Variants in VPS13B observed in about 807,000 individuals in gnomAD.
VPS13B encodes the protein intermembrane lipid transfer protein VPS13B.
A neutral mutation model predicts 426.4 loss-of-function variants in VPS13B; 285 were observed. The observed-to-expected ratio is 0.67, with a 90% confidence interval of 0.61 to 0.74. The LOEUF (loss-of-function observed/expected upper bound fraction) is 0.74. VPS13B is among the 30% of genes least tolerant of loss of function. The pLI is 0.00. For missense variants in VPS13B, 4,537 were observed against 4,782.6 expected (o/e 0.95, Z 1.51); for synonymous variants, 1,676 against 1,676.4 (o/e 1.00, Z 0.01).
chr8:99,317,308 G>A (rs550002820), intron 19 of VPS13B, among the ~76,000 whole-genome samples: 2 of 152,218 alleles, frequency 1.3e-5, no homozygotes, highest in East Asian at 3.9e-4. Context: ...TGTATACATT[G>A]TGTAATGATT....
chr8:99,599,995 G>C (rs1226037102), intron 33 of VPS13B, among the ~76,000 whole-genome samples: 2 of 152,046 alleles, frequency 1.3e-5, no homozygotes, highest in African/African-American at 2.4e-5. Flanking sequence ...CCATTCAACT[G>C]TACATTTTTA....
chr8:99,288,447 G>A (rs959524108), intron 19 of VPS13B, among the ~76,000 whole-genome samples: 2 of 151,804 alleles, frequency 1.3e-5, no homozygotes, highest in East Asian at 1.9e-4. Context: ...CTCACACATA[G>A]CATTCTTGCA....
intron 21 of VPS13B, among the ~76,000 whole-genome samples, chr8:99,406,185 T>G (rs1480032284): frequency 1.3e-5 from 2 of 152,068 alleles, no homozygotes; most frequent in Non-Finnish European, 2.9e-5. Flanking sequence ...TTAACACCCC[T>G]TTCTATCCTT....
At chr8:99,612,100 G>A (rs1247091828) in intron 33 of VPS13B, among the ~76,000 whole-genome samples, 1 of 152,122 alleles carries the variant, frequency 6.6e-6, no homozygotes, top group African/African-American at 2.4e-5. Flanking sequence ...ATACAGCCAT[G>A]ATTTCAACCC....
rs909608259 is a variant in VPS13B, at chr8:99,216,622, A to G, written c.2515+23565A>G. On this transcript the variant is annotated intron_variant, in intron 17 of 61. Transcript: ENST00000357162. ...TGAGAATTATATATTTAATAATTCA[A>G]ATTTACCCTATCTAGTATCGTAGCC... is the stretch of plus-strand genomic sequence containing the variant. Among the ~76,000 whole-genome samples the G allele has an allele frequency of 9.9e-5, 15 of 151,700 alleles. No individual in the cohort carries two copies. In the East Asian group the frequency reaches 2.9e-3, roughly 29 times the overall value.
At chr8:99,360,384 TCTC>T (rs1419759468) in intron 19 of VPS13B, among the ~76,000 whole-genome samples, 2 of 150,864 alleles carry the variant, frequency 1.3e-5, no homozygotes, top group African/African-American at 4.9e-5. Flanking sequence ...TTCATTCCAT[TCTC>T]CTGCCTCAGC....
chr8:99,487,530 C>T (rs896793869), intron 25 of VPS13B, among the ~76,000 whole-genome samples: 4 of 152,128 alleles, frequency 2.6e-5, no homozygotes, highest in African/African-American at 9.7e-5. Context: ...CAGTGCGTAG[C>T]ATAACCACTA....
Position 99,362,204 on chromosome 8 carries a change from G to T in VPS13B, c.2825-22004G>T, listed in dbSNP as rs939494803. ...GTCGCCCAGGCTGGAGTGCAGTGGCGCGATCTGGCTCACTGCAAGCTCCGC... is the reference window on the plus strand; with the variant it reads ...GTCGCCCAGGCTGGAGTGCAGTGGCTCGATCTGGCTCACTGCAAGCTCCGC... On this transcript the variant is annotated intron_variant, in intron 19 of 61. Transcript: ENST00000357162. Among the ~76,000 whole-genome samples the T allele has an allele frequency of 2.7e-5, 4 of 146,906 alleles. No individual in the cohort carries two copies. In the East Asian group the frequency reaches 8.0e-4, roughly 29 times the overall value.
rs530949146 is a variant in VPS13B at position 99,432,611 on chromosome 8, G to A, written c.3210+947G>A. ...AGTAGTCAAACTACTGAAAACTTAC[G>A]GAGAACGTTTTATTTTATTTTACTT... is the stretch of plus-strand genomic sequence containing the variant. On this transcript the variant is annotated intron_variant, in intron 22 of 61. Transcript: ENST00000357162. Among the ~76,000 whole-genome samples, 22 of 152,166 alleles carry A rather than the reference G, an allele frequency of 1.4e-4. 1 individual carries two copies. The South Asian group carries it at 3.1e-3, about 21-fold the overall frequency.
In VPS13B at chr8:99,502,233, G is replaced by A. The variant is rs539443789; in HGVS notation, c.4042+375G>A. Among the ~76,000 whole-genome samples the A allele has an allele frequency of 3.9e-5, 6 of 152,170 alleles. No individual in the cohort carries two copies. The East Asian group carries it at 5.8e-4, about 15-fold the overall frequency. On this transcript the variant is annotated intron_variant, in intron 26 of 61. Coordinates refer to ENST00000357162, the MANE Select transcript of VPS13B (RefSeq NM_152564.5). ...TCCTGACCTCAGGTGGTCCGCCCAC[G>A]TTGGCCGCCCAAAGTGTTGGGATTA...
intron 31 of VPS13B, among the ~76,000 whole-genome samples, chr8:99,563,073 G>A (rs1825015094): frequency 6.6e-6 from 1 of 152,112 alleles, no homozygotes; most frequent in Non-Finnish European, 1.5e-5. Flanking sequence ...TGAAGCAGGA[G>A]GATCAGTTAA....
chr8:99,068,657 T>C (rs1205562603), intron 3 of VPS13B, among the ~76,000 whole-genome samples: 1 of 152,110 alleles, frequency 6.6e-6, no homozygotes, highest in Admixed American at 6.6e-5. Flanking sequence ...CTCAGAAAAC[T>C]TACAATTATG....
rs143484036 is a variant in VPS13B, at chr8:99,579,020, G to A, written c.5220+1387G>A. 8.3e-4 allele frequency among the ~76,000 whole-genome samples: 127 copies of A among 152,156 alleles called. 2 individuals carry two copies. Among genetic ancestry groups the A allele is most frequent in the Admixed American group, 7.6e-3 (116 of 15,288 alleles). On this transcript the variant is annotated intron_variant, in intron 33 of 61. Transcript: ENST00000357162. The stretch of plus-strand genomic sequence containing the variant: ...CTTCTGCTTTAAAAAGGTATCTGTG[G>A]CTATGTGTTTCTTCTTAGAGATCAT...
intron 19 of VPS13B, among the ~76,000 whole-genome samples, chr8:99,277,931 T>G (rs991975180): frequency 1.3e-5 from 2 of 152,214 alleles, no homozygotes; most frequent in African/African-American, 4.8e-5. Flanking sequence ...CTTTGCTTTT[T>G]GAAGTTGAAG....
intron 54 of VPS13B, among the ~76,000 whole-genome samples, chr8:99,843,275 A>G (rs1293426426): frequency 6.6e-6 from 1 of 151,942 alleles, no homozygotes; most frequent in Non-Finnish European, 1.5e-5. Flanking sequence ...ACCCCACCTC[A>G]CCCTACTAGT....
At position 99,832,597 on chromosome 8, in the gene VPS13B, A is replaced by G. The variant is rs2130858381; in HGVS notation, c.9559A>G (p.Arg3187Gly). 6.2e-7 allele frequency: 1 copy of G among 1,613,978 alleles called. No homozygotes were observed. Among genetic ancestry groups the G allele is most frequent in the Non-Finnish European group, 8.5e-7 (1 of 1,180,006 alleles). Residue 3187 changes from arginine to glycine, a missense_variant, in exon 52 of 62, where the codon AGA (arginine) becomes GGA (glycine). Around this residue, in one of 2 missense-constraint regions of VPS13B, gnomAD observed 4,311 missense variants for 4,474.3 expected, o/e 0.96. Transcript: ENST00000357162. ...AGCTATAGTTAGACCAGAGTTTCCCAGACAGAGTGTGGCAGTACCCCTCGG... is the reference window on the plus strand; with the variant it reads ...AGCTATAGTTAGACCAGAGTTTCCCGGACAGAGTGTGGCAGTACCCCTCGG... ...LPAIVRPEFPRQSVAVPLGNF... is the reference protein window; with the variant it reads ...LPAIVRPEFPGQSVAVPLGNF...
chr8:99,167,607 A>G (rs1563579289), intron 15 of VPS13B, among the ~76,000 whole-genome samples: 1 of 152,136 alleles, frequency 6.6e-6, no homozygotes, highest in Non-Finnish European at 1.5e-5. Flanking sequence ...AAGTTGCCAT[A>G]TAATGTTTCT....
intron 32 of VPS13B, 133 bp from the exon 33 acceptor site, chr8:99,577,357 C>T: frequency 4.9e-6 from 6 of 1,236,744 alleles, no homozygotes; most frequent in Middle Eastern, 2.1e-4. Flanking sequence ...CATTTTTGCT[C>T]TTCTCCTTAA....
At chr8:99,076,022 C>T (rs562807144) in intron 3 of VPS13B, among the ~76,000 whole-genome samples, 19 of 151,972 alleles carry the variant, frequency 1.3e-4, no homozygotes, top group Non-Finnish European at 1.6e-4. Flanking sequence ...CTCTTAGTAT[C>T]GCTTTTCTTG....
Sources: gnomAD v4.1 joint callset for allele counts (sites outside exome capture counted in the v4.1 genomes callset) on GRCh38, gnomAD v4.1.1 for gene constraint, gnomAD v4.1.1 regional missense constraint, MANE v1.5 for transcripts, NCBI Gene and HGNC (gene_info 2026-07-23, HGNC 2026-07-21) for gene names.